Variants in NUDCD2 observed in about 807,000 individuals in gnomAD.
The protein encoded by NUDCD2 is nudC domain-containing protein 2.
In NUDCD2, 16 loss-of-function variants were observed where a neutral mutation model predicts 20.8. The observed-to-expected ratio is 0.77, with a 90% CI of 0.52 to 1.17. NUDCD2 has a LOEUF of 1.17. Ranked by LOEUF, NUDCD2 falls within the 50% of genes most tolerant of loss-of-function variation. The pLI is 0.00. For synonymous variants in NUDCD2, 87 were observed against 72.8 expected, an observed-to-expected ratio of 1.20 and a Z score of -1.00; for missense variants, 199 against 193.9, an observed-to-expected ratio of 1.03 and a Z score of -0.16.
At position 163,447,557 on chromosome 5, in the gene NUDCD2, T is replaced by C. The variant is rs1758070533; in HGVS notation, c.*6410A>G. 6.6e-6 allele frequency: 1 copy of C among 151,868 alleles called. No homozygotes were observed. The highest frequency in any genetic ancestry group is 2.4e-5 in the African/African-American group (1 of 41,360). 9.4% of individuals were successfully genotyped at this position (151,868 alleles called of 1,614,324 possible). ...ATTCCTCTCTCAGTAGTCCATAGAA[T>C]TAATAGAAAATTAGCAAAGATGTAG... On this transcript the variant is annotated 3_prime_UTR_variant, in exon 4 of 4. Transcript: ENST00000302764.
At chr5:163,458,095 G>A (rs958328200) in intron 1 of NUDCD2, among the ~76,000 whole-genome samples, 1 of 135,552 alleles carries the variant, frequency 7.4e-6, no homozygotes, top group Non-Finnish European at 1.5e-5. Context: ...CGATTCTCCT[G>A]CCTCAACCTC....
Position 163,453,985 on chromosome 5 carries a change from G to A in NUDCD2, c.456C>T (p.Phe152=), listed in dbSNP as rs745307492. 9.1e-6 allele frequency: 14 copies of A among 1,539,898 alleles called. No homozygotes were observed. Among genetic ancestry groups the A allele is most frequent in the Middle Eastern group, 3.5e-4 (2 of 5,752 alleles). ...SGNYTKGGPD[F]SNLEK ...AAAGCAGTTATTTCTCAAGGTTTGA[G>A]AAATCTGGTCCACCTTTAGTGTAGT... The change falls in exon 4 of 4, where the codon TTC becomes TTT. Residue 152 remains phenylalanine (F), a synonymous_variant. Transcript: ENST00000302764.
At chr5:163,457,132 T>A in intron 2 of NUDCD2, 52 bp from the exon 3 acceptor site, 24 of 1,425,640 alleles carry the variant, frequency 1.7e-5, no homozygotes, top group Middle Eastern at 3.9e-4. Flanking sequence ...GAGTTCTTCA[T>A]CAAGTTGTTT....
At position 163,448,500 on chromosome 5, in the gene NUDCD2, C is replaced by A. The variant is rs887700085; in HGVS notation, c.*5467G>T. 10 of 152,216 alleles carry A rather than the reference C, an allele frequency of 6.6e-5. No individual in the cohort carries two copies. In the East Asian group the frequency reaches 1.9e-3, roughly 29 times the overall value. The allele number at this position is 152,216 out of a possible 1,614,324, so 9.4% of individuals were successfully genotyped here. On this transcript the variant is annotated 3_prime_UTR_variant, in exon 4 of 4. Coordinates refer to ENST00000302764, the MANE Select transcript of NUDCD2 (RefSeq NM_145266.6). ...AAACTTAAATAAACCTCAATAAATT[C>A]TCTATTTTTAAAAATTGAACCATTG...
In NUDCD2 at chr5:163,448,233, T is replaced by C. The variant is rs913122674; in HGVS notation, c.*5734A>G. The C allele has an allele frequency of 1.3e-5, 2 of 150,114 alleles. No homozygotes were observed. The highest frequency in any genetic ancestry group is 2.4e-5 in the African/African-American group (1 of 41,026). The allele number at this position is 150,114 out of a possible 1,614,324, so 9.3% of individuals were successfully genotyped here. ...AAAAAGAGGCAGAAAATAAATGCAA[T>C]TGTAAACAAATTAATAGAAAACAAT... On this transcript the variant is annotated 3_prime_UTR_variant, in exon 4 of 4. Coordinates refer to ENST00000302764, the MANE Select transcript of NUDCD2 (RefSeq NM_145266.6).
chr5:163,454,809 G>C (rs1351082173), intron 3 of NUDCD2, among the ~76,000 whole-genome samples: 1 of 152,084 alleles, frequency 6.6e-6, no homozygotes, highest in Non-Finnish European at 1.5e-5. Flanking sequence ...AGCTCCTACT[G>C]TTTGGGAGAC....
intron 3 of NUDCD2, among the ~76,000 whole-genome samples, chr5:163,455,657 G>A (rs984765683): frequency 1.1e-4 from 16 of 151,892 alleles, no homozygotes; most frequent in Non-Finnish European, 2.1e-4. Flanking sequence ...CCAGCTACTC[G>A]GGAGGCTGAG....
Position 163,453,808 on chromosome 5 carries a change from T to C in NUDCD2, c.*159A>G, listed in dbSNP as rs531906266. 2 of 429,396 alleles carry C rather than the reference T, an allele frequency of 4.7e-6. No homozygotes were observed. The highest frequency in any genetic ancestry group is 7.1e-5 in the East Asian group (2 of 28,086). The allele number at this position is 429,396 out of a possible 1,614,324, so 26.6% of individuals were successfully genotyped here. On this transcript the variant is annotated 3_prime_UTR_variant, in exon 4 of 4. Coordinates refer to ENST00000302764, the MANE Select transcript of NUDCD2 (RefSeq NM_145266.6). Reference sequence around the variant, plus strand: ...AATAGTTCCCACAGTACATTTCCTATGTAAATTATGTTTGAATGCAATTTT... The same window carrying C: ...AATAGTTCCCACAGTACATTTCCTACGTAAATTATGTTTGAATGCAATTTT...
Position 163,452,490 on chromosome 5 carries a change from AATG to A in NUDCD2, c.*1474_*1476del, listed in dbSNP as rs1335446921. 1 of 152,348 alleles carries A rather than the reference AATG, an allele frequency of 6.6e-6. No individual in the cohort carries two copies. The highest frequency in any genetic ancestry group is 1.9e-4 in the East Asian group (1 of 5,184). The allele number at this position is 152,348 out of a possible 1,614,324, so 9.4% of individuals were successfully genotyped here. A position where few individuals can be genotyped will look rare whatever the true frequency, so the allele number is the denominator to read the frequency against. On this transcript the variant is annotated 3_prime_UTR_variant, in exon 4 of 4. Coordinates refer to ENST00000302764, the MANE Select transcript of NUDCD2 (RefSeq NM_145266.6). ...GTACAATAATTTTGAGCACCAATGT[AATG>A]ATAATAGGTTTTTTAACCTGCTGAA...
chr5:163,459,956 A>T lies in NUDCD2; in HGVS notation c.95T>A (p.Val32Asp), dbSNP rs771123180. ...YQTLEEVFIE[V>D]QVPPGTRAQD... ...GGCGCGCGTGCCTGGCGGCACCTGA[A>T]CTTCAATGAACACCTCCTCCAAGGT... The change falls in exon 1 of 4, where the codon GTT (valine) becomes GAT (aspartate). Residue 32 changes from valine to aspartate, a missense_variant. Val to Asp is a radical substitution (Grantham distance 152). Coordinates refer to ENST00000302764, the MANE Select transcript of NUDCD2 (RefSeq NM_145266.6). 6.2e-7 allele frequency: 1 copy of T among 1,613,516 alleles called. No individual in the cohort carries two copies. Among genetic ancestry groups the T allele is most frequent in the Non-Finnish European group, 8.5e-7 (1 of 1,179,830 alleles).
At chr5:163,458,240 C>T (rs1356768000) in intron 1 of NUDCD2, among the ~76,000 whole-genome samples, 1 of 151,944 alleles carries the variant, frequency 6.6e-6, no homozygotes, top group East Asian at 1.9e-4. Flanking sequence ...CTAGGCCTTC[C>T]AAAGTGCCAG....
At chr5:163,454,353 T>A (rs1758249656) in intron 3 of NUDCD2, among the ~76,000 whole-genome samples, 1 of 152,222 alleles carries the variant, frequency 6.6e-6, no homozygotes, top group Non-Finnish European at 1.5e-5. Flanking sequence ...TATTATTATT[T>A]TTTTTGAGAC....
Position 163,457,073 on chromosome 5 carries a change from T to C in NUDCD2, c.246A>G (p.Arg82=), listed in dbSNP as rs1411379621. The stretch of plus-strand genomic sequence containing the variant: ...TTGTAAGAACAATACGAACCATTTT[T>C]CTGTCCTCTAAAAAAAAAACACACA... The part of the protein sequence containing the change: ...ADEGTWTLED[R]KMVRIVLTKT... Residue 82 remains arginine, a synonymous_variant, in exon 3 of 4, where the codon AGA becomes AGG. Coordinates refer to ENST00000302764, the MANE Select transcript of NUDCD2 (RefSeq NM_145266.6). 1 of 1,598,638 alleles carries C rather than the reference T, an allele frequency of 6.3e-7. No homozygotes were observed. Among genetic ancestry groups the C allele is most frequent in the Non-Finnish European group, 8.5e-7 (1 of 1,175,230 alleles).
In NUDCD2 at chr5:163,457,217, C is replaced by T. The variant is rs1561629654; in HGVS notation, c.239-137G>A. 1.1e-5 allele frequency: 10 copies of T among 891,070 alleles called. No individual in the cohort carries two copies. The Admixed American group carries it at 1.3e-4, about 12-fold the overall frequency. 55.2% of individuals were successfully genotyped at this position (891,070 alleles called of 1,614,324 possible). ...CTTGATCTCGGCTCACTGAAACCTC[C>T]GCCCCCCGGGTTCAAGTGATTCTCC... is the stretch of plus-strand genomic sequence containing the variant. On this transcript the variant is annotated intron_variant, in intron 2 of 3. Transcript: ENST00000302764.
At chr5:163,456,568 G>T (rs992166094) in intron 3 of NUDCD2, among the ~76,000 whole-genome samples, 3 of 152,108 alleles carry the variant, frequency 2.0e-5, no homozygotes, top group African/African-American at 7.2e-5. Context: ...CAACATATGA[G>T]ATGAAAATGA....
In NUDCD2 at chr5:163,447,570, A is replaced by G. The variant is rs981752883; in HGVS notation, c.*6397T>C. ...TAGTCCATAGAATTAATAGAAAATTAGCAAAGATGTAGGAAAATGGAATAA... is the reference window on the plus strand; with the variant it reads ...TAGTCCATAGAATTAATAGAAAATTGGCAAAGATGTAGGAAAATGGAATAA... On this transcript the variant is annotated 3_prime_UTR_variant, in exon 4 of 4. Coordinates refer to ENST00000302764, the MANE Select transcript of NUDCD2 (RefSeq NM_145266.6). The G allele has an allele frequency of 3.3e-5, 5 of 152,232 alleles. No individual in the cohort carries two copies. Among genetic ancestry groups the G allele is most frequent in the African/African-American group, 1.2e-4 (5 of 41,466 alleles). 9.4% of individuals were successfully genotyped at this position (152,232 alleles called of 1,614,324 possible).
intron 2 of NUDCD2, 87 bp downstream of exon 2, chr5:163,457,475 C>T: frequency 2.4e-6 from 2 of 827,508 alleles, no homozygotes; most frequent in Non-Finnish European, 4.0e-6. Flanking sequence ...TTCAAAGCTG[C>T]AAAGACAAAA....
rs1758143568 is a variant in NUDCD2 at position 163,450,207 on chromosome 5, G to A, written c.*3760C>T. On this transcript the variant is annotated 3_prime_UTR_variant, in exon 4 of 4. Coordinates refer to ENST00000302764, the MANE Select transcript of NUDCD2 (RefSeq NM_145266.6). Reference sequence around the variant, plus strand: ...ACCCAGCAGGCAGAGGTTGCAGTGAGTGGAGATTGTGCCACTGCACCCCAG... The same window carrying A: ...ACCCAGCAGGCAGAGGTTGCAGTGAATGGAGATTGTGCCACTGCACCCCAG... The A allele has an allele frequency of 6.6e-6, 1 of 152,252 alleles. No homozygotes were observed. Among genetic ancestry groups the A allele is most frequent in the Admixed American group, 6.5e-5 (1 of 15,270 alleles). The allele number at this position is 152,252 out of a possible 1,614,324, so 9.4% of individuals were successfully genotyped here. A position where few individuals can be genotyped will look rare whatever the true frequency, so the allele number is the denominator to read the frequency against.
In NUDCD2 at chr5:163,446,676, A is replaced by G. The variant is rs1758045516; in HGVS notation, c.*7291T>C. On this transcript the variant is annotated 3_prime_UTR_variant, in exon 4 of 4. Coordinates refer to ENST00000302764, the MANE Select transcript of NUDCD2 (RefSeq NM_145266.6). ...ATTATTTATTAAATCTATTTTTCAGAAACCAAAAAACAGTAAACATGAGTC... is the reference window on the plus strand; with the variant it reads ...ATTATTTATTAAATCTATTTTTCAGGAACCAAAAAACAGTAAACATGAGTC... The G allele has an allele frequency of 6.6e-6, 1 of 152,230 alleles. No homozygotes were observed. The highest frequency in any genetic ancestry group is 6.5e-5 in the Admixed American group (1 of 15,284). 9.4% of individuals were successfully genotyped at this position (152,230 alleles called of 1,614,324 possible).
Sources: allele counts gnomAD v4.1 joint callset (sites outside exome capture counted in the v4.1 genomes callset), GRCh38; gene constraint gnomAD v4.1.1; transcripts MANE v1.5; gene names NCBI Gene and HGNC (gene_info 2026-07-23, HGNC 2026-07-21).